The following PACSIN2 variants were observed in gnomAD, a reference collection of about 807,000 sequenced individuals.
PACSIN2 encodes protein kinase C and casein kinase substrate in neurons 2.
PACSIN2 carries 25 observed loss-of-function variants against 63.8 expected under a neutral mutation model. The ratio of observed to expected loss-of-function variants is 0.39; its 90% confidence interval spans 0.29 to 0.55. The LOEUF is 0.55. Among genes scored for constraint, PACSIN2 ranks in the 20% least tolerant of loss-of-function variants. PACSIN2 has a pLI of 0.62. For synonymous variants in PACSIN2, 255 were observed against 256.2 expected (o/e 1.00, Z 0.05); for missense variants, 518 against 646.9 (o/e 0.80, Z 2.16).
chr22:42,934,546 T>C (rs189533494), intron 1 of PACSIN2, among the ~76,000 whole-genome samples: 294 of 152,370 alleles, frequency 1.9e-3, no homozygotes, highest in Middle Eastern at 6.8e-3. Flanking sequence ...CCTCATGGGC[T>C]GGCCCTGATA....
rs1928612797 is a variant in PACSIN2 at position 42,876,246 on chromosome 22, A to G, written c.1239T>C (p.Asn413=). 6.2e-7 allele frequency: 1 copy of G among 1,614,110 alleles called. No homozygotes were observed. Among genetic ancestry groups the G allele is most frequent in the Non-Finnish European group, 8.5e-7 (1 of 1,180,012 alleles). ...CGTCGTCGAATGGATTCGAGTCCCC[A>G]TTGGCATCCGTGGAGGAGAAGGGGT... ...SNNPFSSTDA[N]GDSNPFDDDA... The change falls in exon 10 of 11, where the codon AAT becomes AAC. Residue 413 remains asparagine, a synonymous_variant. Coordinates refer to ENST00000263246, the MANE Select transcript of PACSIN2 (RefSeq NM_001184970.3).
chr22:43,003,276 G>A (rs1923878171), intron 1 of PACSIN2, among the ~76,000 whole-genome samples: 1 of 152,202 alleles, frequency 6.6e-6, no homozygotes, highest in Admixed American at 6.5e-5. Flanking sequence ...CAAAAAAGAA[G>A]TCATTTGACA....
chr22:42,996,853 T>C (rs1028869883), intron 1 of PACSIN2, among the ~76,000 whole-genome samples: 1 of 152,242 alleles, frequency 6.6e-6, no homozygotes, highest in Non-Finnish European at 1.5e-5. Flanking sequence ...TTCCTAGGTA[T>C]GAGGCCTAGG....
intron 1 of PACSIN2, among the ~76,000 whole-genome samples, chr22:42,978,427 G>T (rs372421267): frequency 2.6e-5 from 4 of 152,096 alleles, no homozygotes; most frequent in African/African-American, 4.8e-5. Flanking sequence ...ATCAGTCTTC[G>T]TTTACACGCA....
At chr22:42,875,987 G>T in intron 10 of PACSIN2, 150 bp downstream of exon 10, 1 of 646,210 alleles carries the variant, frequency 1.5e-6, no homozygotes, top group Non-Finnish European at 2.6e-6. Context: ...GGCTGCTTTT[G>T]ACAATGAAGC....
intron 1 of PACSIN2, among the ~76,000 whole-genome samples, chr22:43,001,557 C>T (rs737782): frequency 6.6e-6 from 1 of 152,058 alleles, no homozygotes; most frequent in Non-Finnish European, 1.5e-5. Flanking sequence ...TGCAGTCAGA[C>T]GAGCCCTGAA....
chr22:42,883,097 C>G (rs1156758873), intron 6 of PACSIN2, among the ~76,000 whole-genome samples: 1 of 152,178 alleles, frequency 6.6e-6, no homozygotes, highest in Non-Finnish European at 1.5e-5. Context: ...ATCCATATGA[C>G]TGGTGCCTGT....
At position 42,930,840 on chromosome 22, in the gene PACSIN2, T is replaced by G. The variant is rs555420738; in HGVS notation, c.-77-18683A>C. On this transcript the variant is annotated intron_variant, in intron 1 of 10. Transcript: ENST00000263246. ...CAACTAGTAAGGGGCAGAGCTTGGA[T>G]TCAAACCCAGACCAGGTGCTCCAGA... 7.9e-5 allele frequency among the ~76,000 whole-genome samples: 12 copies of G among 152,322 alleles called. No homozygotes were observed. The South Asian group carries it at 2.5e-3, about 32-fold the overall frequency.
intron 1 of PACSIN2, among the ~76,000 whole-genome samples, chr22:42,983,461 G>C (rs1054772414): frequency 1.6e-5 from 2 of 126,078 alleles, no homozygotes; most frequent in African/African-American, 6.4e-5. Flanking sequence ...CTGCACTCCA[G>C]CCTGGACAAC....
chr22:42,999,731 T>C lies in PACSIN2; in HGVS notation c.-78+15290A>G, dbSNP rs534029487. Among the ~76,000 whole-genome samples the C allele has an allele frequency of 1.2e-4, 19 of 152,248 alleles. No homozygotes were observed. The South Asian group carries it at 3.9e-3, about 32-fold the overall frequency. ...GCACAGGACTGATGGAGCAGTCCCC[T>C]GGCAGTCACTCCCTAACTTGCTGGG... On this transcript the variant is annotated intron_variant, in intron 1 of 10. Transcript: ENST00000263246.
chr22:42,877,056 C>T (rs751765322), intron 8 of PACSIN2, 46 bp from the exon 9 acceptor site: 1 of 1,606,510 alleles, frequency 6.2e-7, no homozygotes, highest in East Asian at 2.2e-5. Flanking sequence ...CTGCAGGGGC[C>T]CGTGAGGGTC....
chr22:42,879,510 T>C (rs76039490), intron 7 of PACSIN2, among the ~76,000 whole-genome samples: 1,622 of 152,318 alleles, frequency 0.011, 30 homozygotes, highest in African/African-American at 0.037. Context: ...CTCCTGTTCC[T>C]GACCCCACCC....
intron 1 of PACSIN2, among the ~76,000 whole-genome samples, chr22:42,971,137 C>A (rs1455406558): frequency 1.3e-5 from 2 of 152,270 alleles, no homozygotes; most frequent in Non-Finnish European, 2.9e-5. Context: ...TGATGCCGAG[C>A]CAAAGCTGGA....
chr22:42,900,587 C>T (rs1404771856), intron 2 of PACSIN2, among the ~76,000 whole-genome samples: 1 of 152,190 alleles, frequency 6.6e-6, no homozygotes, highest in Non-Finnish European at 1.5e-5. Context: ...GATCCTCCTG[C>T]CTCAGCCTCC....
intron 1 of PACSIN2, among the ~76,000 whole-genome samples, chr22:42,918,293 C>A (rs1931944678): frequency 6.6e-6 from 1 of 152,090 alleles, no homozygotes; most frequent in African/African-American, 2.4e-5. Context: ...GAATTATATC[C>A]CCCAAAGACA....
At chr22:42,964,886 G>C (rs1257793063) in intron 1 of PACSIN2, among the ~76,000 whole-genome samples, 1 of 151,692 alleles carries the variant, frequency 6.6e-6, no homozygotes, top group African/African-American at 2.4e-5. Flanking sequence ...AACTAGTCAA[G>C]GACTAGCAAG....
At chr22:42,959,097 G>A (rs1348509797) in intron 1 of PACSIN2, among the ~76,000 whole-genome samples, 2 of 152,190 alleles carry the variant, frequency 1.3e-5, no homozygotes, top group Admixed American at 6.5e-5. Flanking sequence ...GGGTCCAGCT[G>A]GGATGAGAAA....
intron 4 of PACSIN2, among the ~76,000 whole-genome samples, chr22:42,889,335 G>A (rs1002641099): frequency 7.0e-6 from 1 of 143,042 alleles, no homozygotes; most frequent in East Asian, 2.5e-4. Flanking sequence ...CTAGGGGGCA[G>A]GGCCATCAGC....
At chr22:42,966,727 A>C (rs1359566824) in intron 1 of PACSIN2, among the ~76,000 whole-genome samples, 14 of 152,240 alleles carry the variant, frequency 9.2e-5, no homozygotes. Context: ...TTTCTAGCAC[A>C]TCTCAGTTAA....
Sources: allele counts gnomAD v4.1 joint callset (sites outside exome capture counted in the v4.1 genomes callset), GRCh38; gene constraint gnomAD v4.1.1; transcripts MANE v1.5; gene names NCBI Gene and HGNC (gene_info 2026-07-23, HGNC 2026-07-21).